TIFAB: variants seen among roughly 807,000 people sequenced by gnomAD.
TIFAB encodes the protein TIFA inhibitor, also known as TRAF-interacting protein with FHA domain-containing protein B.
For missense variants in TIFAB, 222 were observed against 203.6 expected (o/e 1.09, Z -0.55); for synonymous variants, 116 against 95.2 (o/e 1.22, Z -1.27).
Position 135,446,185 on chromosome 5 carries a change from G to T in TIFAB, c.*3269C>A. 1 of 659,292 alleles carries T rather than the reference G, an allele frequency of 1.5e-6. No individual in the cohort carries two copies. The highest frequency in any genetic ancestry group is 2.5e-6 in the Non-Finnish European group (1 of 405,664). The allele number at this position is 659,292 out of a possible 1,614,324, so 40.8% of individuals were successfully genotyped here. On this transcript the variant is annotated 3_prime_UTR_variant, in exon 2 of 2. Transcript: ENST00000537858. ...TTCCCGTTTTCTACAAGAAGAAACT[G>T]TGGCACGGAGAGATTCAGTTACTTG... is the stretch of plus-strand genomic sequence containing the variant.
In TIFAB at chr5:135,445,358, G is replaced by T. The variant is rs748650155; in HGVS notation, c.*4096C>A. ...AGGGTCTGCGCTGCCCCAGCCAGAG[G>T]GTCTGTGCTGTCCCTGCTGAGGCCT... On this transcript the variant is annotated 3_prime_UTR_variant, in exon 2 of 2. Transcript: ENST00000537858. 5.1e-4 allele frequency: 77 copies of T among 152,426 alleles called. No individual in the cohort carries two copies. Among genetic ancestry groups the T allele is most frequent in the Admixed American group, 2.2e-3 (33 of 15,304 alleles). The allele number at this position is 152,426 out of a possible 1,614,324, so 9.4% of individuals were successfully genotyped here. A position where few individuals can be genotyped will look rare whatever the true frequency, so the allele number is the denominator to read the frequency against.
intron 1 of TIFAB, among the ~76,000 whole-genome samples, chr5:135,451,124 G>A (rs1413725804): frequency 1.3e-5 from 2 of 152,182 alleles, no homozygotes; most frequent in African/African-American, 4.8e-5. Flanking sequence ...CATACAAATA[G>A]GGCCTGGCCA....
chr5:135,445,188 C>T lies in TIFAB; in HGVS notation c.*4266G>A, dbSNP rs1769233276. The stretch of plus-strand genomic sequence containing the variant: ...AGGAAGTGCTGACTGAGAACTGTCT[C>T]TCTGTGACATGCACCCTGTCAAATC... On this transcript the variant is annotated 3_prime_UTR_variant, in exon 2 of 2. Transcript: ENST00000537858. 6.6e-6 allele frequency: 1 copy of T among 152,172 alleles called. No homozygotes were observed. Among genetic ancestry groups the T allele is most frequent in the South Asian group, 2.1e-4 (1 of 4,828 alleles). The allele number at this position is 152,172 out of a possible 1,614,324, so 9.4% of individuals were successfully genotyped here. A position where few individuals can be genotyped will look rare whatever the true frequency, so the allele number is the denominator to read the frequency against.
rs1403411570 is a variant in TIFAB at position 135,447,668 on chromosome 5, C to T, written c.*1786G>A. 4 of 163,752 alleles carry T rather than the reference C, an allele frequency of 2.4e-5. No homozygotes were observed. The highest frequency in any genetic ancestry group is 4.1e-5 in the Non-Finnish European group (3 of 74,036). The allele number at this position is 163,752 out of a possible 1,614,324, so 10.1% of individuals were successfully genotyped here. A position where few individuals can be genotyped will look rare whatever the true frequency, so the allele number is the denominator to read the frequency against. On this transcript the variant is annotated 3_prime_UTR_variant, in exon 2 of 2. Coordinates refer to ENST00000537858, the MANE Select transcript of TIFAB (RefSeq NM_001099221.2). Reference sequence around the variant, plus strand: ...CCTTATCTGTTAAGTGCAGTTAATACACACAGCACCTAGCAGAGTGCTAAG... The same window carrying T: ...CCTTATCTGTTAAGTGCAGTTAATATACACAGCACCTAGCAGAGTGCTAAG...
In TIFAB at chr5:135,446,882, A is replaced by C. The variant is rs748287208; in HGVS notation, c.*2572T>G. On this transcript the variant is annotated 3_prime_UTR_variant, in exon 2 of 2. Coordinates refer to ENST00000537858, the MANE Select transcript of TIFAB (RefSeq NM_001099221.2). Reference sequence around the variant, plus strand: ...CCCCTCTCGCAGGACCCCAGCTGGCAAGGTTTTGTTCCTCCCTGGAGGGTA... The same window carrying C: ...CCCCTCTCGCAGGACCCCAGCTGGCCAGGTTTTGTTCCTCCCTGGAGGGTA... The C allele has an allele frequency of 2.5e-5, 40 of 1,613,710 alleles. 1 individual carries two copies. The South Asian group carries it at 3.7e-4, about 15-fold the overall frequency.
intron 1 of TIFAB, 120 bp from the exon 2 acceptor site, chr5:135,450,069 C>T: frequency 1.5e-6 from 2 of 1,352,352 alleles, no homozygotes; most frequent in East Asian, 2.4e-5. Flanking sequence ...AATCACTCTG[C>T]CCAAGCCAGG....
rs770296906 is a variant in TIFAB at position 135,446,417 on chromosome 5, T to G, written c.*3037A>C. ...TGCCCTGCGGTGGGAGCTGAGAGAA[T>G]GCAGTGGAGGTTGTTGGGAGGAACT... On this transcript the variant is annotated 3_prime_UTR_variant, in exon 2 of 2. Transcript: ENST00000537858. 1 of 1,611,588 alleles carries G rather than the reference T, an allele frequency of 6.2e-7. No individual in the cohort carries two copies. Among genetic ancestry groups the G allele is most frequent in the Non-Finnish European group, 8.5e-7 (1 of 1,177,996 alleles).
Position 135,446,249 on chromosome 5 carries a change from A to G in TIFAB, c.*3205T>C, listed in dbSNP as rs1769257753. Reference sequence around the variant, plus strand: ...AACTATAGTAAGTGGGGGTGGGGACAAGAATTCTAACCCAGGCAGCAGTCT... The same window carrying G: ...AACTATAGTAAGTGGGGGTGGGGACGAGAATTCTAACCCAGGCAGCAGTCT... On this transcript the variant is annotated 3_prime_UTR_variant, in exon 2 of 2. Coordinates refer to ENST00000537858, the MANE Select transcript of TIFAB (RefSeq NM_001099221.2). 1 of 1,189,742 alleles carries G rather than the reference A, an allele frequency of 8.4e-7. No homozygotes were observed. Among genetic ancestry groups the G allele is most frequent in the Non-Finnish European group, 1.2e-6 (1 of 845,962 alleles). The allele number at this position is 1,189,742 out of a possible 1,614,324, so 73.7% of individuals were successfully genotyped here. A position where few individuals can be genotyped will look rare whatever the true frequency, so the allele number is the denominator to read the frequency against.
chr5:135,447,156 C>G lies in TIFAB; in HGVS notation c.*2298G>C. The stretch of plus-strand genomic sequence containing the variant: ...GTGACAGATCACTGCTGCTTTTCAT[C>G]AGACCAAAATACATGTGGCTTCTTC... On this transcript the variant is annotated 3_prime_UTR_variant, in exon 2 of 2. Coordinates refer to ENST00000537858, the MANE Select transcript of TIFAB (RefSeq NM_001099221.2). The G allele has an allele frequency of 6.2e-7, 1 of 1,612,646 alleles. No homozygotes were observed. The highest frequency in any genetic ancestry group is 8.5e-7 in the Non-Finnish European group (1 of 1,179,144).
Position 135,446,628 on chromosome 5 carries a change from C to T in TIFAB, c.*2826G>A, listed in dbSNP as rs1281089129. The stretch of plus-strand genomic sequence containing the variant: ...GTCTCGGATGGGCAGAGCTTAACTG[C>T]CTTAAAAACTTGGTACAGGGCAAGG... On this transcript the variant is annotated 3_prime_UTR_variant, in exon 2 of 2. Coordinates refer to ENST00000537858, the MANE Select transcript of TIFAB (RefSeq NM_001099221.2). 3 of 1,613,884 alleles carry T rather than the reference C, an allele frequency of 1.9e-6. No individual in the cohort carries two copies. The highest frequency in any genetic ancestry group is 1.7e-5 in the Admixed American group (1 of 60,004).
intron 1 of TIFAB, 144 bp from the exon 2 acceptor site, chr5:135,450,093 T>C: frequency 9.0e-7 from 1 of 1,112,698 alleles, no homozygotes; most frequent in Non-Finnish European, 1.3e-6. Flanking sequence ...GAGCCAAGGC[T>C]GGAATTGGTG....
chr5:135,450,252 A>G (rs529906048), intron 1 of TIFAB, among the ~76,000 whole-genome samples: 11 of 152,306 alleles, frequency 7.2e-5, no homozygotes, highest in Non-Finnish European at 1.5e-4. Flanking sequence ...GGATTTGGTA[A>G]TCTTTTGGTT....
chr5:135,449,703 G>A lies in TIFAB; in HGVS notation c.237C>T (p.Ser79=), dbSNP rs1347380327. The A allele has an allele frequency of 1.4e-5, 23 of 1,614,132 alleles. No individual in the cohort carries two copies. The highest frequency in any genetic ancestry group is 1.9e-5 in the Non-Finnish European group (22 of 1,180,046). Residue 79 remains serine (S), a synonymous_variant, in exon 2 of 2, where the codon AGC becomes AGT. Coordinates refer to ENST00000537858, the MANE Select transcript of TIFAB (RefSeq NM_001099221.2). ...ALLAFCLKAL[S]RKGCVWVNGL... The stretch of plus-strand genomic sequence containing the variant: ...CATTGACCCACACACAGCCCTTGCG[G>A]CTCAGGGCCTTGAGGCAGAAGGCCA...
At position 135,446,102 on chromosome 5, in the gene TIFAB, T is replaced by A. The variant is rs1769251736; in HGVS notation, c.*3352A>T. On this transcript the variant is annotated 3_prime_UTR_variant, in exon 2 of 2. Transcript: ENST00000537858. ...GACCCTTATGTCTGGGTGCCTTAAA[T>A]TTGTGATGCCTCAAACTGACCTTCA... 3.1e-6 allele frequency: 1 copy of A among 325,466 alleles called. No individual in the cohort carries two copies. Among genetic ancestry groups the A allele is most frequent in the Non-Finnish European group, 5.6e-6 (1 of 177,360 alleles). The allele number at this position is 325,466 out of a possible 1,614,324, so 20.2% of individuals were successfully genotyped here.
Position 135,449,154 on chromosome 5 carries a change from T to C in TIFAB, c.*300A>G. On this transcript the variant is annotated 3_prime_UTR_variant, in exon 2 of 2. Transcript: ENST00000537858. The stretch of plus-strand genomic sequence containing the variant: ...TATATGATGTTCCCATTACATTGCA[T>C]AGCTCTGGCCACAGAGGGTGCTTCT... The C allele has an allele frequency of 2.3e-6, 1 of 436,268 alleles. No homozygotes were observed. Among genetic ancestry groups the C allele is most frequent in the South Asian group, 2.6e-5 (1 of 38,772 alleles). 27.0% of individuals were successfully genotyped at this position (436,268 alleles called of 1,614,324 possible). A position where few individuals can be genotyped will look rare whatever the true frequency, so the allele number is the denominator to read the frequency against.
Position 135,447,298 on chromosome 5 carries a change from C to T in TIFAB, c.*2156G>A. 1 of 678,000 alleles carries T rather than the reference C, an allele frequency of 1.5e-6. No individual in the cohort carries two copies. 42.0% of individuals were successfully genotyped at this position (678,000 alleles called of 1,614,324 possible). On this transcript the variant is annotated 3_prime_UTR_variant, in exon 2 of 2. Coordinates refer to ENST00000537858, the MANE Select transcript of TIFAB (RefSeq NM_001099221.2). ...TTGCCTACCAGGTCCGTGGCTACAA[C>T]TAAATCCCTAGTTGGGGAATCACAG... is the stretch of plus-strand genomic sequence containing the variant.
Position 135,446,333 on chromosome 5 carries a change from T to TA in TIFAB, c.*3120dup, listed in dbSNP as rs1769259682. The TA allele has an allele frequency of 6.4e-7, 1 of 1,554,060 alleles. No homozygotes were observed. Among genetic ancestry groups the TA allele is most frequent in the African/African-American group, 1.4e-5 (1 of 73,598 alleles). On this transcript the variant is annotated 3_prime_UTR_variant, in exon 2 of 2. Transcript: ENST00000537858. ...GTGCACTGTATGTTCGTGTTTAGTG[T>TA]ATGTCTGTGCATACTTGCGTGTGTG...
chr5:135,449,510 C>A lies in TIFAB; in HGVS notation c.430G>T (p.Glu144Ter), dbSNP rs772580964. 7.4e-6 allele frequency: 12 copies of A among 1,614,094 alleles called. No individual in the cohort carries two copies. In the South Asian group the frequency reaches 1.3e-4, roughly 18 times the overall value. ...GAGATGCCTTCCCATTCGTCAGTTT[C>A]CTCAGCCTCAGGTCTGTAAATCAGG... ...SPLIYRPEAE[E>*]TDEWEGISQG... The change falls in exon 2 of 2, where the codon GAA becomes TAA. Residue 144 changes from glutamate to a stop codon, truncating the protein, a stop_gained. Coordinates refer to ENST00000537858, the MANE Select transcript of TIFAB (RefSeq NM_001099221.2). LOFTEE classifies it low-confidence loss of function (END_TRUNC).
Position 135,448,167 on chromosome 5 carries a change from T to A in TIFAB, c.*1287A>T, listed in dbSNP as rs924643469. ...GGCCTGTGAGTGAAGTTGGACCTCC[T>A]TGTAGCTTGCCCTGGGTGCAAAACG... On this transcript the variant is annotated 3_prime_UTR_variant, in exon 2 of 2. Transcript: ENST00000537858. The A allele has an allele frequency of 6.6e-6, 1 of 152,148 alleles. No individual in the cohort carries two copies. The highest frequency in any genetic ancestry group is 1.5e-5 in the Non-Finnish European group (1 of 68,008). 9.4% of individuals were successfully genotyped at this position (152,148 alleles called of 1,614,324 possible).
Sources: allele counts gnomAD v4.1 joint callset (sites outside exome capture counted in the v4.1 genomes callset), GRCh38; gene constraint gnomAD v4.1.1; transcripts MANE v1.5; gene names NCBI Gene and HGNC (gene_info 2026-07-23, HGNC 2026-07-21).